Variants in PDS5A observed in about 807,000 individuals in gnomAD.
The protein encoded by PDS5A is PDS5 cohesin associated factor A.
A neutral mutation model predicts 167.1 loss-of-function variants in PDS5A; 42 were observed. That is an observed-to-expected ratio of 0.25 (90% CI 0.20 to 0.33). PDS5A has a LOEUF of 0.33. Among genes scored for constraint, PDS5A ranks in the 10% least tolerant of loss-of-function variants. The pLI is 1.00. For missense variants in PDS5A, 1,033 were observed against 1,605.9 expected (o/e 0.64, Z 6.10); for synonymous variants, 553 against 554.6 (o/e 1.00, Z 0.04).
chr4:39,835,629 TCTC>T (rs911242488), intron 32 of PDS5A, among the ~76,000 whole-genome samples: 1 of 152,058 alleles, frequency 6.6e-6, no homozygotes, highest in African/African-American at 2.4e-5. Context: ...TTCAAGCAAT[TCTC>T]CTGCCTCAGT....
intron 2 of PDS5A, among the ~76,000 whole-genome samples, chr4:39,972,783 A>G (rs1278313100): frequency 6.6e-6 from 1 of 151,772 alleles, no homozygotes; most frequent in African/African-American, 2.4e-5. Flanking sequence ...AACAGAACTG[A>G]TATTTTGAGC....
At chr4:39,932,271 T>C (rs1460259220) in intron 2 of PDS5A, among the ~76,000 whole-genome samples, 2 of 152,168 alleles carry the variant, frequency 1.3e-5, no homozygotes, top group East Asian at 1.9e-4. Flanking sequence ...TACGTTGAGA[T>C]TGCAATGCCC....
At chr4:39,964,558 A>T (rs1729796150) in intron 2 of PDS5A, among the ~76,000 whole-genome samples, 1 of 152,198 alleles carries the variant, frequency 6.6e-6, no homozygotes, top group African/African-American at 2.4e-5. Context: ...TTTAAAAAGT[A>T]CATGGTGGGG....
At chr4:39,946,356 C>T (rs1727768515) in intron 2 of PDS5A, among the ~76,000 whole-genome samples, 1 of 151,754 alleles carries the variant, frequency 6.6e-6, no homozygotes, top group African/African-American at 2.4e-5. Context: ...TAGGGAAATT[C>T]CCCTACAGGC....
At chr4:39,911,506 C>T (rs1723880231) in intron 9 of PDS5A, among the ~76,000 whole-genome samples, 1 of 151,936 alleles carries the variant, frequency 6.6e-6, no homozygotes, top group African/African-American at 2.4e-5. Flanking sequence ...GTTAAGAATT[C>T]AATTAACATA....
chr4:39,886,436 G>A (rs1203940185), intron 17 of PDS5A, among the ~76,000 whole-genome samples: 2 of 151,858 alleles, frequency 1.3e-5, no homozygotes, highest in African/African-American at 4.8e-5. Flanking sequence ...GATTTTGGCC[G>A]GGCGGGGTGG....
chr4:39,877,252 G>C, intron 18 of PDS5A, 99 bp from the exon 19 acceptor site: 1 of 704,444 alleles, frequency 1.4e-6, no homozygotes, highest in South Asian at 2.3e-5. Context: ...AAATTCTGGG[G>C]TAAATATGCT....
intron 18 of PDS5A, 144 bp downstream of exon 18, chr4:39,879,584 C>A: frequency 1.9e-6 from 1 of 521,622 alleles, no homozygotes; most frequent in Non-Finnish European, 3.5e-6. Context: ...AAAAACATTA[C>A]TTTTACATCA....
In PDS5A at chr4:39,913,834, G is replaced by C. The variant is rs11725674; in HGVS notation, c.877-108C>G. ...CTATTTCATATTTCTGCTTATAACT[G>C]TGAGAAGTTTAAAATATCATATGTC... On this transcript the variant is annotated intron_variant, in intron 8 of 32. Coordinates refer to ENST00000303538, the MANE Select transcript of PDS5A (RefSeq NM_001100399.2). 196,920 of 683,660 alleles carry C rather than the reference G, an allele frequency of 0.29. 30,200 individuals are homozygous for C. Among genetic ancestry groups the C allele is most frequent in the East Asian group, 0.45 (17,750 of 39,262 alleles). 42.3% of individuals were successfully genotyped at this position (683,660 alleles called of 1,614,324 possible).
intron 32 of PDS5A, among the ~76,000 whole-genome samples, chr4:39,826,264 G>GC (rs1422643699): frequency 1.3e-5 from 2 of 151,202 alleles, no homozygotes; most frequent in African/African-American, 4.9e-5. Context: ...GTGGGACATG[G>GC]CCTCTTTCTC....
At chr4:39,938,841 A>G (rs1254327256) in intron 2 of PDS5A, among the ~76,000 whole-genome samples, 2 of 151,476 alleles carry the variant, frequency 1.3e-5, no homozygotes, top group East Asian at 2.0e-4. Flanking sequence ...GTGGTGGCGC[A>G]TGCCTGTAAT....
Position 39,898,802 on chromosome 4 carries a change from C to A in PDS5A, c.1605G>T (p.Met535Ile). Reference sequence around the variant, plus strand: ...TTGCTATGGTCATCAGTTTTCCAAACATGGCAGAACAGTTAGCCTCTGACT... The same window carrying A: ...TTGCTATGGTCATCAGTTTTCCAAAAATGGCAGAACAGTTAGCCTCTGACT... ...QPTSEANCSAMFGKLMTIAKN... is the reference protein window; with the variant it reads ...QPTSEANCSAIFGKLMTIAKN... Residue 535 changes from methionine to isoleucine, a missense_variant, in exon 15 of 33, where the codon ATG becomes ATT. Transcript: ENST00000303538. The A allele has an allele frequency of 6.3e-7, 1 of 1,591,612 alleles. No individual in the cohort carries two copies. The highest frequency in any genetic ancestry group is 1.1e-5 in the South Asian group (1 of 87,726).
intron 31 of PDS5A, 101 bp downstream of exon 31, chr4:39,841,847 T>C (rs1171397307): frequency 1.5e-6 from 1 of 661,108 alleles, no homozygotes; most frequent in African/African-American, 1.8e-5. Flanking sequence ...GTTTAAAATG[T>C]AGCATGTGCA....
Position 39,917,122 on chromosome 4 carries a change from G to T in PDS5A, c.802C>A (p.Leu268Met). Residue 268 changes from leucine to methionine, a missense_variant, in exon 8 of 33, where the codon CTG (leucine) becomes ATG (methionine). Physicochemically the swap from Leu to Met is conservative, Grantham distance 15. Around this residue, in one of 4 missense-constraint regions of PDS5A, gnomAD observed 388 missense variants for 615.1 expected, o/e 0.63. Coordinates refer to ENST00000303538, the MANE Select transcript of PDS5A (RefSeq NM_001100399.2). ...TCTATAGCAAAAAGTTCCTGAATCA[G>T]ATCAAATACATGTTCTGACAAATCA... Reference protein sequence around the residue: ...VSDLSEHVFDLIQELFAIDPH... With the variant: ...VSDLSEHVFDMIQELFAIDPH... The T allele has an allele frequency of 6.4e-7, 1 of 1,563,486 alleles. No homozygotes were observed. The highest frequency in any genetic ancestry group is 8.6e-7 in the Non-Finnish European group (1 of 1,156,412).
chr4:39,964,237 G>T (rs1334648484), intron 2 of PDS5A, among the ~76,000 whole-genome samples: 3 of 152,148 alleles, frequency 2.0e-5, no homozygotes, highest in Non-Finnish European at 2.9e-5. Context: ...TCCAGGTTTT[G>T]CCTGTAGAAG....
At chr4:39,927,863 G>A in intron 3 of PDS5A, 98 bp downstream of exon 3, 1 of 810,004 alleles carries the variant, frequency 1.2e-6, no homozygotes, top group Non-Finnish European at 1.9e-6. Context: ...AGACTAATAT[G>A]AAACCTATGT....
Position 39,928,174 on chromosome 4 carries a change from T to G in PDS5A, c.139-10A>C, listed in dbSNP as rs759611501. On this transcript the variant is annotated splice_polypyrimidine_tract_variant and intron_variant, in intron 2 of 32. Transcript: ENST00000303538. ...AGGTTTTCACTACCATCTGTAAAAA[T>G]GTACAAAAACACAAAATAATTAACT... 2.6e-6 allele frequency: 4 copies of G among 1,563,952 alleles called. No homozygotes were observed. Among genetic ancestry groups the G allele is most frequent in the Admixed American group, 3.5e-5 (2 of 57,304 alleles).
chr4:39,908,550 G>C lies in PDS5A; in HGVS notation c.1088-10C>G, dbSNP rs1553900287. On this transcript the variant is annotated splice_polypyrimidine_tract_variant and intron_variant, in intron 10 of 32. Coordinates refer to ENST00000303538, the MANE Select transcript of PDS5A (RefSeq NM_001100399.2). The stretch of plus-strand genomic sequence containing the variant: ...CTAACCTTTAAATATTCTGTAATAA[G>C]AGAAAAAAAACTTAGGCTAAATGTT... 1.3e-6 allele frequency: 2 copies of C among 1,502,172 alleles called. No individual in the cohort carries two copies. The highest frequency in any genetic ancestry group is 1.8e-6 in the Non-Finnish European group (2 of 1,098,064). The allele number at this position is 1,502,172 out of a possible 1,614,324, so 93.1% of individuals were successfully genotyped here. A position where few individuals can be genotyped will look rare whatever the true frequency, so the allele number is the denominator to read the frequency against.
At chr4:39,879,692 C>T (rs373101349) in intron 18 of PDS5A, 36 bp downstream of exon 18, 45 of 1,286,514 alleles carry the variant, frequency 3.5e-5, no homozygotes, top group Non-Finnish European at 1.2e-5. Flanking sequence ...TATGACCCCA[C>T]GGAAATACAT....
Sources: allele counts gnomAD v4.1 joint callset (sites outside exome capture counted in the v4.1 genomes callset), GRCh38; gene constraint gnomAD v4.1.1; regional missense constraint gnomAD v4.1.1; transcripts MANE v1.5; gene names NCBI Gene and HGNC (gene_info 2026-07-23, HGNC 2026-07-21).